ABCG8: variants seen among roughly 807,000 people sequenced by gnomAD.
ABCG8 encodes the protein ATP-binding cassette sub-family G member 8.
ABCG8 carries 81 observed loss-of-function variants against 71.3 expected under a neutral mutation model. The ratio of observed to expected loss-of-function variants is 1.14; its 90% CI spans 0.95 to 1.37. ABCG8 has a LOEUF of 1.37. Ranked by LOEUF, ABCG8 falls within the 40% of genes most tolerant of loss-of-function variation. The pLI, the probability that ABCG8 is intolerant of heterozygous loss-of-function variation, is 0.00. For missense variants in ABCG8, 1,119 were observed against 866.2 expected (o/e 1.29, Z -3.66); for synonymous variants, 451 against 354.7 (o/e 1.27, Z -3.05).
At chr2:43,859,816 T>A (rs1178724735) in intron 6 of ABCG8, among the ~76,000 whole-genome samples, 1 of 151,074 alleles carries the variant, frequency 6.6e-6, no homozygotes, top group Non-Finnish European at 1.5e-5. Flanking sequence ...TGGATAGAAT[T>A]CTCACCATCT....
chr2:43,877,720 T>C (rs376682882), intron 12 of ABCG8, 32 bp downstream of exon 12: 147 of 1,613,964 alleles, frequency 9.1e-5, no homozygotes, highest in Non-Finnish European at 1.1e-4. Flanking sequence ...TTCTAAATTA[T>C]TGGACGTCCG....
chr2:43,861,066 C>G (rs1308089586), intron 6 of ABCG8, among the ~76,000 whole-genome samples: 1 of 151,300 alleles, frequency 6.6e-6, no homozygotes, highest in Non-Finnish European at 1.5e-5. Flanking sequence ...GGATAGAACC[C>G]TCACTATCTA....
At chr2:43,853,326 G>A (rs1175765320) in intron 6 of ABCG8, among the ~76,000 whole-genome samples, 1 of 152,226 alleles carries the variant, frequency 6.6e-6, no homozygotes, top group Non-Finnish European at 1.5e-5. Flanking sequence ...ATCTCTAGAT[G>A]TGAAAATTGC....
rs1421396670 is a variant in ABCG8, at chr2:43,880,435, A to C, written c.*2522A>C. ...GTGATCTGCCTGCTTCGGCCTCCCAAAGTGTTGGGATTACAGGTGTGACCC... is the reference window on the plus strand; with the variant it reads ...GTGATCTGCCTGCTTCGGCCTCCCACAGTGTTGGGATTACAGGTGTGACCC... On this transcript the variant is annotated 3_prime_UTR_variant, in exon 13 of 13. Coordinates refer to ENST00000272286, the MANE Select transcript of ABCG8 (RefSeq NM_022437.3). 6.6e-6 allele frequency: 1 copy of C among 152,012 alleles called. No homozygotes were observed. The highest frequency in any genetic ancestry group is 2.4e-5 in the African/African-American group (1 of 41,368). The allele number at this position is 152,012 out of a possible 1,614,324, so 9.4% of individuals were successfully genotyped here.
intron 11 of ABCG8, 74 bp downstream of exon 11, chr2:43,875,487 GA>G (rs1240134356): frequency 1.3e-5 from 20 of 1,550,310 alleles, no homozygotes; most frequent in Non-Finnish European, 1.7e-5. Flanking sequence ...CTTTCATCTG[GA>G]GATGGACACT....
At position 43,852,430 on chromosome 2, in the gene ABCG8, T is replaced by C; in HGVS notation, c.638T>C (p.Leu213Ser). 10 of 1,612,636 alleles carry C rather than the reference T, an allele frequency of 6.2e-6. No individual in the cohort carries two copies. Among genetic ancestry groups the C allele is most frequent in the Non-Finnish European group, 8.5e-6 (10 of 1,179,974 alleles). ...GTGGGCAACATGTACGTGCGGGGGTTGTCGGGGGGTGAGCGCAGGAGAGTC... is the reference window on the plus strand; with the variant it reads ...GTGGGCAACATGTACGTGCGGGGGTCGTCGGGGGGTGAGCGCAGGAGAGTC... ...TRVGNMYVRGLSGGERRRVSI... is the reference protein window; with the variant it reads ...TRVGNMYVRGSSGGERRRVSI... The change falls in exon 5 of 13, where the codon TTG (leucine) becomes TCG (serine). Residue 213 changes from leucine to serine, a missense_variant. Coordinates refer to ENST00000272286, the MANE Select transcript of ABCG8 (RefSeq NM_022437.3).
rs776302377 is a variant in ABCG8, at chr2:43,873,778, G to C, written c.1212-9G>C. ...GTTGCCTCAGCATCTCTTCCTTTTG[G>C]TTTTTAAGTCGTCAGATTTCCAACG... On this transcript the variant is annotated splice_polypyrimidine_tract_variant and intron_variant, in intron 8 of 12. Coordinates refer to ENST00000272286, the MANE Select transcript of ABCG8 (RefSeq NM_022437.3). 4.3e-6 allele frequency: 7 copies of C among 1,613,908 alleles called. No individual in the cohort carries two copies. In the African/African-American group the frequency reaches 9.3e-5, roughly 22 times the overall value.
Position 43,879,409 on chromosome 2 carries a change from G to T in ABCG8, c.*1496G>T, listed in dbSNP as rs1287810344. On this transcript the variant is annotated 3_prime_UTR_variant, in exon 13 of 13. Coordinates refer to ENST00000272286, the MANE Select transcript of ABCG8 (RefSeq NM_022437.3). Reference sequence around the variant, plus strand: ...GGCCAGCAGAATGGGCACAGCTGGAGCTGATTGGATAGGTCCCATGAGCCT... The same window carrying T: ...GGCCAGCAGAATGGGCACAGCTGGATCTGATTGGATAGGTCCCATGAGCCT... 2.0e-5 allele frequency: 3 copies of T among 152,292 alleles called. No homozygotes were observed. Among genetic ancestry groups the T allele is most frequent in the Non-Finnish European group, 4.4e-5 (3 of 68,110 alleles). 9.4% of individuals were successfully genotyped at this position (152,292 alleles called of 1,614,324 possible).
chr2:43,845,803 G>A (rs1371432614), intron 2 of ABCG8, among the ~76,000 whole-genome samples: 2 of 151,782 alleles, frequency 1.3e-5, no homozygotes, highest in African/African-American at 2.4e-5. Context: ...TGTATTTTTA[G>A]TAGAGGCGGG....
intron 3 of ABCG8, among the ~76,000 whole-genome samples, chr2:43,850,926 A>C (rs1259534203): frequency 1.3e-5 from 2 of 151,812 alleles, no homozygotes; most frequent in Non-Finnish European, 2.9e-5. Flanking sequence ...AAAAAAAAAA[A>C]GAAAAAGTAA....
chr2:43,862,086 T>G (rs57358917), intron 6 of ABCG8, among the ~76,000 whole-genome samples: 934 of 150,062 alleles, frequency 6.2e-3, no homozygotes, highest in South Asian at 0.015. Context: ...CTTACTCTCT[T>G]GGTAAAAATC....
At chr2:43,842,339 T>C (rs933709715) in intron 1 of ABCG8, among the ~76,000 whole-genome samples, 1 of 152,088 alleles carries the variant, frequency 6.6e-6, no homozygotes, top group Non-Finnish European at 1.5e-5. Flanking sequence ...TTTTGATGAT[T>C]CAACAACAAC....
intron 4 of ABCG8, among the ~76,000 whole-genome samples, 173 bp downstream of exon 4, chr2:43,851,995 C>CTTGGAT (rs1433407537): frequency 2.0e-5 from 3 of 152,226 alleles, no homozygotes; most frequent in Non-Finnish European, 4.4e-5. Flanking sequence ...CTTTCAAACC[C>CTTGGAT]CACAGCCCGC....
intron 6 of ABCG8, among the ~76,000 whole-genome samples, chr2:43,863,762 C>G (rs72796795): frequency 0.051 from 7,772 of 151,612 alleles, 244 homozygotes; most frequent in Middle Eastern, 0.11. Context: ...AGAACTCTTA[C>G]TATCTATCTG....
chr2:43,876,186 G>A (rs764949201), intron 11 of ABCG8, among the ~76,000 whole-genome samples: 21 of 152,152 alleles, frequency 1.4e-4, no homozygotes, highest in Non-Finnish European at 2.6e-4. Flanking sequence ...CATCCCTCTC[G>A]AGAATTGCTA....
Position 43,844,543 on chromosome 2 carries a change from A to G in ABCG8, c.100A>G (p.Asn34Asp), listed in dbSNP as rs897087769. Residue 34 changes from asparagine (N) to aspartate (D), a missense_variant, in exon 2 of 13, where the codon AAC becomes GAC. Transcript: ENST00000272286. ...QDRLFSSESD[N>D]SLYFTYSGQP... ...TAGATTGTTCTCCTCTGAAAGTGAC[A>G]ACAGCCTGTACTTCACCTACAGTGG... 4 of 1,614,078 alleles carry G rather than the reference A, an allele frequency of 2.5e-6. No individual in the cohort carries two copies. The Admixed American group carries it at 6.7e-5, about 27-fold the overall frequency.
At position 43,879,902 on chromosome 2, in the gene ABCG8, C is replaced by T. The variant is rs1670083381; in HGVS notation, c.*1989C>T. On this transcript the variant is annotated 3_prime_UTR_variant, in exon 13 of 13. Coordinates refer to ENST00000272286, the MANE Select transcript of ABCG8 (RefSeq NM_022437.3). ...ACAGCCAAGTTACTATTTTCCCTCCCTTTATAATTAATAAGCATTTTGTAA... is the reference window on the plus strand; with the variant it reads ...ACAGCCAAGTTACTATTTTCCCTCCTTTTATAATTAATAAGCATTTTGTAA... 1 of 152,136 alleles carries T rather than the reference C, an allele frequency of 6.6e-6. No homozygotes were observed. Among genetic ancestry groups the T allele is most frequent in the Non-Finnish European group, 1.5e-5 (1 of 68,022 alleles). The allele number at this position is 152,136 out of a possible 1,614,324, so 9.4% of individuals were successfully genotyped here. A position where few individuals can be genotyped will look rare whatever the true frequency, so the allele number is the denominator to read the frequency against.
intron 6 of ABCG8, among the ~76,000 whole-genome samples, chr2:43,870,040 T>G (rs1273041117): frequency 1.3e-5 from 2 of 152,110 alleles, no homozygotes; most frequent in Admixed American, 1.3e-4. Context: ...AGTATCTGGA[T>G]AGAATTCTTA....
chr2:43,865,128 C>A (rs562321458), intron 6 of ABCG8, among the ~76,000 whole-genome samples: 1 of 151,256 alleles, frequency 6.6e-6, no homozygotes, highest in South Asian at 2.1e-4. Context: ...GGATAGAATT[C>A]TCAGCATCTG....
Sources: allele counts gnomAD v4.1 joint callset (sites outside exome capture counted in the v4.1 genomes callset), GRCh38; gene constraint gnomAD v4.1.1; transcripts MANE v1.5; gene names NCBI Gene and HGNC (gene_info 2026-07-23, HGNC 2026-07-21).